Variants in RNLS observed in about 807,000 individuals in gnomAD.
RNLS encodes renalase.
Under a neutral mutation model 39.8 loss-of-function variants are expected in RNLS, and 39 were observed. The ratio of observed to expected loss-of-function variants is 0.98; its 90% confidence interval spans 0.76 to 1.28. RNLS has a LOEUF of 1.28. Among genes scored for constraint, RNLS ranks in the 50% most tolerant of loss-of-function variants. The pLI is 0.00. For synonymous variants in RNLS, 147 were observed against 150.7 expected (o/e 0.98, Z 0.18); for missense variants, 410 against 413.3 (o/e 0.99, Z 0.07).
At position 88,474,045 on chromosome 10, in the gene RNLS, T is replaced by C. The variant is rs145728326; in HGVS notation, c.526+98858A>G. On this transcript the variant is annotated intron_variant, in intron 4 of 6. Coordinates refer to ENST00000331772, the MANE Select transcript of RNLS (RefSeq NM_001031709.3). ...GGCAAATACTATGATACATGCTATC[T>C]CCATTAAATGTATTAAAATAACATT... Among the ~76,000 whole-genome samples, 1,119 of 152,324 alleles carry C rather than the reference T, an allele frequency of 7.3e-3. 6 individuals carry two copies. Among genetic ancestry groups the C allele is most frequent in the African/African-American group, 0.026 (1,073 of 41,570 alleles).
intron 4 of RNLS, among the ~76,000 whole-genome samples, chr10:88,439,010 G>A (rs1457761690): frequency 1.3e-5 from 2 of 152,176 alleles, no homozygotes; most frequent in Non-Finnish European, 2.9e-5. Context: ...GCACCAACAG[G>A]CAAAAGTGAA....
rs547011213 is a variant in RNLS at position 88,425,182 on chromosome 10, G to C, written c.527-62457C>G. On this transcript the variant is annotated intron_variant, in intron 4 of 6. Coordinates refer to ENST00000331772, the MANE Select transcript of RNLS (RefSeq NM_001031709.3). ...TCACCCCCATCTATTCTTTCCCCAC[G>C]CTTCATCAGAACAGATGGCAGAGAT... 4.5e-4 allele frequency among the ~76,000 whole-genome samples: 69 copies of C among 152,106 alleles called. 2 individuals carry two copies. The South Asian group carries it at 0.014, about 31-fold the overall frequency.
chr10:88,371,816 A>C (rs1850579901), intron 4 of RNLS, among the ~76,000 whole-genome samples: 1 of 152,160 alleles, frequency 6.6e-6, no homozygotes, highest in African/African-American at 2.4e-5. Context: ...ACTTGAATAC[A>C]CCGTCTAACA....
At chr10:88,428,413 T>C (rs1375754972) in intron 4 of RNLS, among the ~76,000 whole-genome samples, 1 of 151,740 alleles carries the variant, frequency 6.6e-6, no homozygotes, top group Non-Finnish European at 1.5e-5. Flanking sequence ...CTAAATTTGA[T>C]TCTGTTAACG....
At chr10:88,235,884 T>G in the RNLS span, among the ~76,000 whole-genome samples, 1,004 of 152,142 alleles carry the variant, frequency 6.6e-3, 3 homozygotes, top group Non-Finnish European at 0.012. Context: ...TAGGCTGGAG[T>G]GCAGTGGTGC....
intron 4 of RNLS, among the ~76,000 whole-genome samples, chr10:88,496,359 A>T (rs1176521288): frequency 6.6e-6 from 1 of 152,182 alleles, no homozygotes; most frequent in Non-Finnish European, 1.5e-5. Flanking sequence ...GAATTTCATT[A>T]ACCTGGCAAA....
chr10:88,580,134 G>T (rs892804250), intron 3 of RNLS, among the ~76,000 whole-genome samples: 27 of 152,152 alleles, frequency 1.8e-4, no homozygotes, highest in African/African-American at 6.0e-4. Flanking sequence ...GGATCACCCT[G>T]CAGATCTTGG....
intron 4 of RNLS, among the ~76,000 whole-genome samples, chr10:88,441,574 A>G (rs1841716801): frequency 6.6e-6 from 1 of 152,100 alleles, no homozygotes; most frequent in South Asian, 2.1e-4. Flanking sequence ...ATGATTGGGG[A>G]TATTTAGAAT....
At chr10:88,272,187 A>G (rs1458593833), downstream of RNLS, among the ~76,000 whole-genome samples, 1 of 152,148 alleles carries the variant, frequency 6.6e-6, no homozygotes, top group Non-Finnish European at 1.5e-5. Context: ...TGTATTTTAT[A>G]TATCATATTT....
intron 4 of RNLS, among the ~76,000 whole-genome samples, chr10:88,511,034 ACC>A (rs765906314): frequency 4.8e-5 from 7 of 146,646 alleles, no homozygotes; most frequent in African/African-American, 1.2e-4. Flanking sequence ...AAAAAAAAAA[ACC>A]AAAAACCTGA....
chr10:88,270,405 G>A (rs1842616996), downstream of RNLS, among the ~76,000 whole-genome samples: 1 of 152,080 alleles, frequency 6.6e-6, no homozygotes, highest in Non-Finnish European at 1.5e-5. Flanking sequence ...GGCAATTTAG[G>A]GGACAAGTCT....
At chr10:88,449,067 G>T (rs1257107854) in intron 4 of RNLS, among the ~76,000 whole-genome samples, 1 of 152,210 alleles carries the variant, frequency 6.6e-6, no homozygotes, top group East Asian at 1.9e-4. Context: ...GTTAATAGGT[G>T]CAGCACACCA....
At chr10:88,414,455 G>A (rs1425385012) in intron 4 of RNLS, among the ~76,000 whole-genome samples, 2 of 152,146 alleles carry the variant, frequency 1.3e-5, no homozygotes, top group Non-Finnish European at 2.9e-5. Context: ...ACTCTTATCA[G>A]ATTCTTGAAG....
At chr10:88,389,948 G>T (rs369020499) in intron 4 of RNLS, among the ~76,000 whole-genome samples, 4 of 152,276 alleles carry the variant, frequency 2.6e-5, no homozygotes, top group South Asian at 2.1e-4. Context: ...GACTAATTAG[G>T]TATTATATTG....
the RNLS span, among the ~76,000 whole-genome samples, chr10:88,204,109 C>T: frequency 1.3e-5 from 2 of 152,112 alleles, no homozygotes; most frequent in Non-Finnish European, 2.9e-5. Context: ...CCCCAATCAG[C>T]AGGTCACCCA....
intron 4 of RNLS, among the ~76,000 whole-genome samples, chr10:88,377,736 T>G (rs1375201589): frequency 6.6e-6 from 1 of 152,210 alleles, no homozygotes; most frequent in East Asian, 1.9e-4. Context: ...TGTGAAGGCC[T>G]AGGACATTGC....
At chr10:88,224,860 T>C in the RNLS span, among the ~76,000 whole-genome samples, 6 of 152,240 alleles carry the variant, frequency 3.9e-5, no homozygotes, top group Non-Finnish European at 7.3e-5. Flanking sequence ...GTGTATTATA[T>C]GCATTGTCTC....
chr10:88,212,824 T>TCTTG, the RNLS span, among the ~76,000 whole-genome samples: 1 of 152,228 alleles, frequency 6.6e-6, no homozygotes, highest in African/African-American at 2.4e-5. Context: ...TTGGCACATG[T>TCTTG]CTTGCCCAAG....
At chr10:88,210,011 G>C in the RNLS span, among the ~76,000 whole-genome samples, 3 of 152,182 alleles carry the variant, frequency 2.0e-5, no homozygotes, top group Non-Finnish European at 4.4e-5. Context: ...TCTGAAGATG[G>C]CTTCCAAAAA....
Sources: gnomAD v4.1 joint callset for allele counts (sites outside exome capture counted in the v4.1 genomes callset) on GRCh38, gnomAD v4.1.1 for gene constraint, MANE v1.5 for transcripts, NCBI Gene and HGNC (gene_info 2026-07-23, HGNC 2026-07-21) for gene names.